Variants in PRAC2 observed in about 807,000 individuals in gnomAD.
PRAC2 encodes PRAC2 small nuclear protein.
For missense variants in PRAC2, 92 were observed against 114.5 expected, an observed-to-expected ratio of 0.80 and a Z score of 0.90; for synonymous variants, 43 against 49.5, an observed-to-expected ratio of 0.87 and a Z score of 0.55.
upstream of PRAC2, chr17:48,722,184 G>T: frequency 1.3e-6 from 1 of 783,490 alleles, no homozygotes; most frequent in Non-Finnish European, 2.1e-6. Context: ...AAAGCCTGCT[G>T]CTCACCCTTC....
At chr17:48,721,437 TGCTTCAGCCTCTTGAGTA>T (rs1209387085), upstream of PRAC2, among the ~76,000 whole-genome samples, 1 of 152,232 alleles carries the variant, frequency 6.6e-6, no homozygotes, top group Non-Finnish European at 1.5e-5. Context: ...GCAATTCTTG[TGCTTCAGCCTCTTGAGTA>T]GCTGGAATTA....
chr17:48,721,708 C>A, upstream of PRAC2: 2 of 1,221,592 alleles, frequency 1.6e-6, no homozygotes, highest in African/African-American at 1.6e-5. Flanking sequence ...TCACAGTTAA[C>A]TTTCACCCAG....
chr17:48,721,800 C>T (rs774122866), upstream of PRAC2: 1 of 1,539,068 alleles, frequency 6.5e-7, no homozygotes. Context: ...AACTCCTGTG[C>T]TCAAGGAATC....
At chr17:48,723,838 C>A in intron 1 of PRAC2, 1 of 1,137,158 alleles carries the variant, frequency 8.8e-7, no homozygotes, top group Non-Finnish European at 1.1e-6. Context: ...AATCCACTTG[C>A]TTTGGAGTTA....
At chr17:48,724,044 T>C (rs1246989446) in intron 1 of PRAC2, among the ~76,000 whole-genome samples, 2 of 152,258 alleles carry the variant, frequency 1.3e-5, no homozygotes, top group East Asian at 3.8e-4. Flanking sequence ...CCTCTGCGTT[T>C]ATTCGTCTGT....
upstream of PRAC2, among the ~76,000 whole-genome samples, chr17:48,719,195 G>T (rs374395085): frequency 4.5e-4 from 64 of 141,484 alleles, no homozygotes; most frequent in Middle Eastern, 3.6e-3. Flanking sequence ...AAACACACTC[G>T]CACGCGCTCG....
chr17:48,718,806 C>G (rs1379844060), upstream of PRAC2, among the ~76,000 whole-genome samples: 1 of 152,198 alleles, frequency 6.6e-6, no homozygotes, highest in East Asian at 1.9e-4. Context: ...CAAGCAAGCT[C>G]TGCGGCAGGT....
Position 48,724,535 on chromosome 17 carries a change from T to A in PRAC2, c.125T>A (p.Ile42Lys). 1 of 1,232,718 alleles carries A rather than the reference T, an allele frequency of 8.1e-7. No homozygotes were observed. Among genetic ancestry groups the A allele is most frequent in the Non-Finnish European group, 1.0e-6 (1 of 987,988 alleles). The allele number at this position is 1,232,718 out of a possible 1,614,324, so 76.4% of individuals were successfully genotyped here. A position where few individuals can be genotyped will look rare whatever the true frequency, so the allele number is the denominator to read the frequency against. ...FFLGLSGAGP[I>K]HLPMPWPNGR... ...CTGGGTCTCTCGGGGGCTGGACCAATACATCTGCCGATGCCCTGGCCGAAT... is the reference window on the plus strand; with the variant it reads ...CTGGGTCTCTCGGGGGCTGGACCAAAACATCTGCCGATGCCCTGGCCGAAT... The change falls in exon 2 of 2, where the codon ATA (isoleucine) becomes AAA (lysine). Residue 42 changes from isoleucine to lysine, a missense_variant. Transcript: ENST00000422730.
At chr17:48,720,654 T>G (rs936722569), upstream of PRAC2, among the ~76,000 whole-genome samples, 1 of 152,208 alleles carries the variant, frequency 6.6e-6, no homozygotes. Flanking sequence ...TCCTCCTGTC[T>G]TCCACCCCTA....
intron 1 of PRAC2, chr17:48,723,653 C>T (rs1040903380): frequency 1.7e-6 from 2 of 1,191,474 alleles, no homozygotes; most frequent in South Asian, 4.2e-5. Flanking sequence ...CGGCTGGCGG[C>T]GGCCTCGCAG....
At chr17:48,722,067 G>C (rs565040723), upstream of PRAC2, among the ~76,000 whole-genome samples, 1 of 152,284 alleles carries the variant, frequency 6.6e-6, no homozygotes, top group East Asian at 1.9e-4. Flanking sequence ...CCTAGGTCCT[G>C]CAGGTCCCGC....
chr17:48,724,693 G>A lies in PRAC2; in HGVS notation c.*10G>A, dbSNP rs2038187342. 1.6e-6 allele frequency: 2 copies of A among 1,225,278 alleles called. No individual in the cohort carries two copies. Among genetic ancestry groups the A allele is most frequent in the African/African-American group, 1.6e-5 (1 of 64,244 alleles). 75.9% of individuals were successfully genotyped at this position (1,225,278 alleles called of 1,614,324 possible). ...TCTCCTGGAGTGGTGAGCCTCTGTCGGAAGGGGGCGCCCACGTCTTTTTAA... is the reference window on the plus strand; with the variant it reads ...TCTCCTGGAGTGGTGAGCCTCTGTCAGAAGGGGGCGCCCACGTCTTTTTAA... On this transcript the variant is annotated 3_prime_UTR_variant, in exon 2 of 2. Coordinates refer to ENST00000422730, the MANE Select transcript of PRAC2 (RefSeq NM_001282275.2).
upstream of PRAC2, among the ~76,000 whole-genome samples, chr17:48,722,814 G>T (rs990449829): frequency 6.6e-6 from 1 of 152,126 alleles, no homozygotes; most frequent in African/African-American, 2.4e-5. Flanking sequence ...AAATGGGGGC[G>T]GGGGCGGTGG....
upstream of PRAC2, chr17:48,722,294 C>T: frequency 1.9e-6 from 3 of 1,597,216 alleles, no homozygotes; most frequent in South Asian, 1.1e-5. Flanking sequence ...GTCGATAACG[C>T]CCTTGGCCCA....
upstream of PRAC2, among the ~76,000 whole-genome samples, chr17:48,720,296 G>T (rs2038132657): frequency 6.6e-6 from 1 of 152,206 alleles, no homozygotes; most frequent in South Asian, 2.1e-4. Flanking sequence ...CCTGCTCTCT[G>T]CCTGGCCAGC....
At chr17:48,718,762 G>A (rs1424930341), upstream of PRAC2, among the ~76,000 whole-genome samples, 3 of 152,188 alleles carry the variant, frequency 2.0e-5, no homozygotes, top group African/African-American at 7.2e-5. Context: ...GGGATCGCAA[G>A]TTGAGGAGGA....
chr17:48,719,940 A>C (rs898715087), upstream of PRAC2, among the ~76,000 whole-genome samples: 10 of 152,024 alleles, frequency 6.6e-5, no homozygotes, highest in Non-Finnish European at 1.0e-4. Flanking sequence ...GGAGGGGTGA[A>C]GGAATGTTTA....
upstream of PRAC2, among the ~76,000 whole-genome samples, chr17:48,722,854 T>C (rs2038160264): frequency 6.6e-6 from 1 of 152,094 alleles, no homozygotes; most frequent in East Asian, 1.9e-4. Context: ...TCAAGTTCAA[T>C]GGCAAAGTCC....
In PRAC2 at chr17:48,724,455, G is replaced by T. The variant is rs1249729189; in HGVS notation, c.45G>T (p.Pro15=). The stretch of plus-strand genomic sequence containing the variant: ...CTCTGCGGCCTGGCTCCCGCAGACC[G>T]ACCGCCTTCTTCTTCCATTCGAGAT... ...RMALRPGSRR[P]TAFFFHSRWL... is the part of the protein sequence containing the mutation. The change falls in exon 2 of 2, where the codon CCG becomes CCT. Residue 15 remains proline (P), a synonymous_variant. Coordinates refer to ENST00000422730, the MANE Select transcript of PRAC2 (RefSeq NM_001282275.2). The T allele has an allele frequency of 3.2e-6, 4 of 1,234,098 alleles. No individual in the cohort carries two copies. The highest frequency in any genetic ancestry group is 3.2e-5 in the East Asian group (1 of 31,698). 76.4% of individuals were successfully genotyped at this position (1,234,098 alleles called of 1,614,324 possible). A position where few individuals can be genotyped will look rare whatever the true frequency, so the allele number is the denominator to read the frequency against.
Sources: allele counts gnomAD v4.1 joint callset (sites outside exome capture counted in the v4.1 genomes callset), GRCh38; gene constraint gnomAD v4.1.1; transcripts MANE v1.5; gene names NCBI Gene and HGNC (gene_info 2026-07-23, HGNC 2026-07-21).